Variants in CHD5 observed in about 807,000 individuals in gnomAD.
CHD5 encodes the protein ATP-dependent chromatin remodeler CHD5.
A neutral mutation model predicts 230.3 loss-of-function variants in CHD5; 69 were observed. That is an observed-to-expected ratio of 0.30 (90% CI 0.25 to 0.37). CHD5 has a LOEUF of 0.37. CHD5 is among the 10% of genes least tolerant of loss of function. The pLI, the probability that CHD5 is intolerant of heterozygous loss-of-function variation, is 1.00. For synonymous variants in CHD5, 1,064 were observed against 1,065.9 expected (o/e 1.00, Z 0.03); for missense variants, 1,827 against 2,622.8 (o/e 0.70, Z 6.63).
chr1:6,131,791 G>A lies in CHD5; in HGVS notation c.3145-43C>T. The A allele has an allele frequency of 7.7e-7, 1 of 1,304,142 alleles. No individual in the cohort carries two copies. The highest frequency in any genetic ancestry group is 1.2e-5 in the South Asian group (1 of 82,780). The allele number at this position is 1,304,142 out of a possible 1,614,324, so 80.8% of individuals were successfully genotyped here. A position where few individuals can be genotyped will look rare whatever the true frequency, so the allele number is the denominator to read the frequency against. On this transcript the variant is annotated intron_variant, in intron 20 of 41. Coordinates refer to ENST00000262450, the MANE Select transcript of CHD5 (RefSeq NM_015557.3). This position sits in a 1 kb window ranked among gnomAD's most constrained non-coding sequence, Gnocchi z 5.0. ...ACGTGAGGAACTGCCAAGGAGCAAG[G>A]GGCCCCATGGGCCATGGGCGGGGAC...
At chr1:6,151,773 A>C (rs995194253) in intron 6 of CHD5, among the ~76,000 whole-genome samples, 1 of 140,204 alleles carries the variant, frequency 7.1e-6, no homozygotes, top group African/African-American at 2.9e-5. Flanking sequence ...TGGTGCAGGG[A>C]AAGAGCTTCC....
chr1:6,146,507 C>A lies in CHD5; in HGVS notation c.1591-84G>T. The stretch of plus-strand genomic sequence containing the variant: ...CCCTACCCAGCTCCTCTAGCCCCAG[C>A]CCAGGTCCCAGGCAGGACAATCCTC... On this transcript the variant is annotated intron_variant, in intron 10 of 41. Coordinates refer to ENST00000262450, the MANE Select transcript of CHD5 (RefSeq NM_015557.3). This position sits in a 1 kb window ranked among gnomAD's most constrained non-coding sequence, Gnocchi z 5.1. The A allele has an allele frequency of 3.5e-6, 5 of 1,445,096 alleles. No individual in the cohort carries two copies. Among genetic ancestry groups the A allele is most frequent in the Non-Finnish European group, 4.8e-6 (5 of 1,038,752 alleles). 89.5% of individuals were successfully genotyped at this position (1,445,096 alleles called of 1,614,324 possible).
chr1:6,145,859 A>C (rs1666900524), intron 11 of CHD5, among the ~76,000 whole-genome samples: 1 of 152,156 alleles, frequency 6.6e-6, no homozygotes, highest in Admixed American at 6.5e-5. Context: ...GCTGTTACAA[A>C]CGCGGGGGAA....
Position 6,154,764 on chromosome 1 carries a change from G to C in CHD5, c.641C>G (p.Ala214Gly). ...SSAAAAAAAV[A>G]AAVETVTISP... ...GATGGTGACCGTCTCTACAGCCGCA[G>C]CCACCGCCGCCGCCGCTGCTGCCGC... The change falls in exon 5 of 42, where the codon GCT (alanine) becomes GGT (glycine). Residue 214 changes from alanine to glycine, a missense_variant. This residue lies in a region of CHD5 where 657 missense variants were observed against 816.4 expected (regional missense o/e 0.80). Transcript: ENST00000262450. This position sits in a 1 kb window ranked among gnomAD's most constrained non-coding sequence, Gnocchi z 7.0. 1 of 1,612,370 alleles carries C rather than the reference G, an allele frequency of 6.2e-7. No homozygotes were observed. The highest frequency in any genetic ancestry group is 8.5e-7 in the Non-Finnish European group (1 of 1,179,676).
At position 6,155,046 on chromosome 1, in the gene CHD5, A is replaced by AAC; in HGVS notation, c.507-149_507-148insGT. ...ATTAGAGAGATTAGGCGGGAAACCCACTGACCACAGCCCACCCCCAAAACG... is the reference window on the plus strand; with the variant it reads ...ATTAGAGAGATTAGGCGGGAAACCCAACCTGACCACAGCCCACCCCCAAAACG... On this transcript the variant is annotated intron_variant, in intron 4 of 41. Transcript: ENST00000262450. This position sits in a 1 kb window ranked among gnomAD's most constrained non-coding sequence, Gnocchi z 4.0. 4.0e-6 allele frequency: 3 copies of AAC among 757,216 alleles called. No individual in the cohort carries two copies. The highest frequency in any genetic ancestry group is 6.2e-6 in the Non-Finnish European group (3 of 481,406). 46.9% of individuals were successfully genotyped at this position (757,216 alleles called of 1,614,324 possible).
intron 38 of CHD5, among the ~76,000 whole-genome samples, 169 bp from the exon 39 acceptor site, chr1:6,106,948 A>G (rs1571134736): frequency 6.5e-5 from 1 of 15,398 alleles, no homozygotes; most frequent in Non-Finnish European, 1.2e-4. Context: ...GGAGGGATGG[A>G]GGAGAGGAGG....
chr1:6,154,794 C>T lies in CHD5; in HGVS notation c.611G>A (p.Ser204Asn). The T allele has an allele frequency of 6.2e-7, 1 of 1,613,732 alleles. No homozygotes were observed. The highest frequency in any genetic ancestry group is 8.5e-7 in the Non-Finnish European group (1 of 1,179,958). Residue 204 changes from serine (S) to asparagine (N), a missense_variant, in exon 5 of 42, where the codon AGC becomes AAC. This residue lies in a region of CHD5 where 657 missense variants were observed against 816.4 expected (regional missense o/e 0.80). Coordinates refer to ENST00000262450, the MANE Select transcript of CHD5 (RefSeq NM_015557.3). This position sits in a 1 kb window ranked among gnomAD's most constrained non-coding sequence, Gnocchi z 7.0. ...EFSANNPFKG[S>N]SAAAAAAAVA... is the part of the protein sequence containing the mutation. ...CGCCGCCGCCGCTGCTGCCGCGGAG[C>T]TGCCCTTGAAGGGGTTGTTGGCGCT...
At chr1:6,136,326 G>C (rs748722920) in intron 17 of CHD5, among the ~76,000 whole-genome samples, 191 bp downstream of exon 17, 1 of 152,190 alleles carries the variant, frequency 6.6e-6, no homozygotes, top group Non-Finnish European at 1.5e-5. Flanking sequence ...ACATTCCCAT[G>C]TGCCCACGCC....
intron 2 of CHD5, among the ~76,000 whole-genome samples, chr1:6,165,116 A>T (rs1667231661): frequency 6.6e-6 from 1 of 152,134 alleles, no homozygotes. Flanking sequence ...TGGAAAAGGG[A>T]AGGCTCAGCG....
chr1:6,152,671 C>A (rs1667024566), intron 5 of CHD5, 135 bp from the exon 6 acceptor site: 1 of 1,442,534 alleles, frequency 6.9e-7, no homozygotes. Flanking sequence ...GATGAGATGC[C>A]TGAGGCTTGG....
At position 6,144,122 on chromosome 1, in the gene CHD5, G is replaced by C. The variant is rs781281474; in HGVS notation, c.1836C>G (p.Ile612Met). Residue 612 changes from isoleucine (I) to methionine (M), a missense_variant, in exon 12 of 42, where the codon ATC becomes ATG. Ile to Met is a conservative substitution (Grantham distance 10). Transcript: ENST00000262450. Reference protein sequence around the residue: ...FDKKGDVHYLIKWKDLPYDQC... With the variant: ...FDKKGDVHYLMKWKDLPYDQC... ...GGTCGTAGGGCAGGTCTTTCCACTT[G>C]ATCAGGTAGTGCACATCCCCCTTCT... The C allele has an allele frequency of 2.0e-4, 325 of 1,614,072 alleles. No homozygotes were observed. The highest frequency in any genetic ancestry group is 2.6e-4 in the Non-Finnish European group (310 of 1,180,054).
At chr1:6,115,506 A>T (rs1666365964) in intron 33 of CHD5, among the ~76,000 whole-genome samples, 1 of 152,164 alleles carries the variant, frequency 6.6e-6, no homozygotes. Context: ...CTGGTCACAG[A>T]AAAGGAAGTC....
At position 6,106,705 on chromosome 1, in the gene CHD5, T is replaced by A; in HGVS notation, c.5653A>T (p.Ile1885Phe). The change falls in exon 39 of 42, where the codon ATC becomes TTC. Residue 1885 changes from isoleucine to phenylalanine, a missense_variant. Transcript: ENST00000262450. ...TGCAGCCGGGCGGCCACCGGGGGGATGCGGGACAGCATGGATGGCAGCCGG... is the reference window on the plus strand; with the variant it reads ...TGCAGCCGGGCGGCCACCGGGGGGAAGCGGGACAGCATGGATGGCAGCCGG... ...VTRLPSMLSRIPPVAARLQMS... is the reference protein window; with the variant it reads ...VTRLPSMLSRFPPVAARLQMS... 6.2e-7 allele frequency: 1 copy of A among 1,611,854 alleles called. No individual in the cohort carries two copies. The highest frequency in any genetic ancestry group is 8.5e-7 in the Non-Finnish European group (1 of 1,179,766).
At chr1:6,116,401 T>C (rs1666379480) in intron 33 of CHD5, among the ~76,000 whole-genome samples, 2 of 152,136 alleles carry the variant, frequency 1.3e-5, no homozygotes, top group African/African-American at 2.4e-5. Context: ...ATGCAGGACA[T>C]AAATATTCAG....
intron 2 of CHD5, among the ~76,000 whole-genome samples, chr1:6,163,920 G>A (rs754392941): frequency 6.6e-6 from 1 of 152,250 alleles, no homozygotes; most frequent in Non-Finnish European, 1.5e-5. Context: ...CTACCAGCTA[G>A]CAGAAGAATC....
At chr1:6,123,901 A>G in intron 31 of CHD5, 47 bp downstream of exon 31, 2 of 1,367,638 alleles carry the variant, frequency 1.5e-6, no homozygotes, top group Non-Finnish European at 1.9e-6. Context: ...TGACCTTGCC[A>G]CTTTCCATGA....
At chr1:6,150,484 G>A (rs113518596) in intron 7 of CHD5, among the ~76,000 whole-genome samples, 67 of 118,564 alleles carry the variant, frequency 5.7e-4, no homozygotes, top group Non-Finnish European at 9.6e-4. Context: ...ACGGACGGAC[G>A]GATGGACAAA....
At chr1:6,157,703 C>G (rs543150849) in intron 3 of CHD5, among the ~76,000 whole-genome samples, 1 of 152,212 alleles carries the variant, frequency 6.6e-6, no homozygotes, top group East Asian at 1.9e-4. Context: ...GACCTGCCCC[C>G]GTGGACACAC....
Position 6,121,192 on chromosome 1 carries a change from C to T in CHD5, c.4825G>A (p.Glu1609Lys), listed in dbSNP as rs139264279. The T allele has an allele frequency of 1.0e-4, 167 of 1,613,974 alleles. No individual in the cohort carries two copies. The African/African-American group carries it at 1.7e-3, about 16-fold the overall frequency. The part of the protein sequence containing the change: ...LDRVESEDKH[E>K]SPASKERARE... ...GCTCTCTCCTTGCTGGCTGGGCTCT[C>T]GTGCTTGTCCTCACTCTCCACTCTA... Residue 1609 changes from glutamate to lysine, a missense_variant, in exon 33 of 42, where the codon GAG becomes AAG. Coordinates refer to ENST00000262450, the MANE Select transcript of CHD5 (RefSeq NM_015557.3). The surrounding 1 kb of genome is among the most constrained non-coding windows in gnomAD (Gnocchi z 4.5).
Sources: allele counts gnomAD v4.1 joint callset (sites outside exome capture counted in the v4.1 genomes callset), GRCh38; gene constraint gnomAD v4.1.1; regional missense constraint gnomAD v4.1.1; non-coding constraint Gnocchi (gnomAD v3.1); transcripts MANE v1.5; gene names NCBI Gene and HGNC (gene_info 2026-07-23, HGNC 2026-07-21).